The following GRID2 variants were observed in gnomAD, a reference collection of about 807,000 sequenced individuals.
GRID2 encodes the protein glutamate ionotropic receptor delta type subunit 2, also known as glutamate receptor ionotropic, delta-2.
GRID2 carries 33 observed loss-of-function variants against 114.8 expected under a neutral mutation model. The observed-to-expected ratio is 0.29, with a 90% CI of 0.22 to 0.38. The LOEUF is 0.38. Ranked by LOEUF, GRID2 falls within the 10% of genes least tolerant of loss-of-function variation. The probability of loss-of-function intolerance (pLI) is 1.00; values close to 1 mark genes in which losing one functional copy is unlikely to be tolerated. For synonymous variants in GRID2, 505 were observed against 449.9 expected, an observed-to-expected ratio of 1.12 and a Z score of -1.55; for missense variants, 1,184 against 1,257.7, an observed-to-expected ratio of 0.94 and a Z score of 0.89.
chr4:93,805,707 C>G (rs987680140), intron 1 of GRID2, among the ~76,000 whole-genome samples: 3 of 152,160 alleles, frequency 2.0e-5, no homozygotes, highest in Admixed American at 6.5e-5. Context: ...TTCAGGGTTC[C>G]TGCTGTTGAT....
intron 4 of GRID2, among the ~76,000 whole-genome samples, chr4:93,139,437 A>AG (rs1326323813): frequency 3.3e-5 from 5 of 152,190 alleles, no homozygotes; most frequent in Non-Finnish European, 7.3e-5. Context: ...TCAGGAAACC[A>AG]GGGGGGATGA....
chr4:93,179,334 A>G (rs1226082064), intron 4 of GRID2, among the ~76,000 whole-genome samples: 1 of 152,212 alleles, frequency 6.6e-6, no homozygotes, highest in East Asian at 1.9e-4. Context: ...AAAGGTCAGT[A>G]ATAACAATTT....
At chr4:93,624,197 TA>T (rs1259897273) in intron 13 of GRID2, among the ~76,000 whole-genome samples, 3 of 45,440 alleles carry the variant, frequency 6.6e-5, no homozygotes, top group Non-Finnish European at 1.9e-4. Flanking sequence ...ATGATCAATC[TA>T]TTTTTTTAAT....
intron 2 of GRID2, among the ~76,000 whole-genome samples, chr4:93,039,951 T>C (rs1347344630): frequency 6.6e-6 from 1 of 152,194 alleles, no homozygotes; most frequent in Non-Finnish European, 1.5e-5. Context: ...CCTTTGTATC[T>C]TAGGTAAGAC....
intron 2 of GRID2, among the ~76,000 whole-genome samples, chr4:92,952,436 C>T (rs1752104861): frequency 6.6e-6 from 1 of 152,150 alleles, no homozygotes; most frequent in South Asian, 2.1e-4. Context: ...ATGATCAAAA[C>T]ATGAATGGTT....
At chr4:93,430,357 T>C (rs1008028522) in intron 10 of GRID2, among the ~76,000 whole-genome samples, 2 of 152,100 alleles carry the variant, frequency 1.3e-5, no homozygotes, top group African/African-American at 4.8e-5. Context: ...ATTTTTGTAT[T>C]TTTAGTAGAG....
chr4:93,260,645 C>T (rs1750154021), intron 8 of GRID2, among the ~76,000 whole-genome samples: 1 of 151,762 alleles, frequency 6.6e-6, no homozygotes, highest in African/African-American at 2.4e-5. Context: ...TCTGTAACCT[C>T]ACAGTCAGCT....
At chr4:92,790,622 T>C (rs1168976343) in intron 2 of GRID2, among the ~76,000 whole-genome samples, 2 of 151,374 alleles carry the variant, frequency 1.3e-5, no homozygotes, top group Admixed American at 6.6e-5. Flanking sequence ...CTCACTATAT[T>C]GCCCAGGCTG....
At chr4:92,920,338 C>T (rs954109247) in intron 2 of GRID2, among the ~76,000 whole-genome samples, 12 of 152,114 alleles carry the variant, frequency 7.9e-5, no homozygotes, top group African/African-American at 2.7e-4. Context: ...GAGCATTTAT[C>T]CCATTTACAT....
chr4:92,686,510 G>T (rs958740273), intron 2 of GRID2, among the ~76,000 whole-genome samples: 4 of 151,996 alleles, frequency 2.6e-5, no homozygotes, highest in Non-Finnish European at 4.4e-5. Flanking sequence ...TGGTTTCGTT[G>T]TTCTTGTTAA....
intron 1 of GRID2, among the ~76,000 whole-genome samples, chr4:92,540,091 A>C (rs980798368): frequency 4.6e-5 from 7 of 152,204 alleles, no homozygotes; most frequent in Non-Finnish European, 7.3e-5. Context: ...CTGGCTAGCC[A>C]TATGTAGAAA....
chr4:92,810,541 G>A (rs1740619401), intron 2 of GRID2, among the ~76,000 whole-genome samples: 1 of 151,826 alleles, frequency 6.6e-6, no homozygotes, highest in Admixed American at 6.6e-5. Flanking sequence ...TTTTCACATT[G>A]GCACTGTTAC....
intron 11 of GRID2, among the ~76,000 whole-genome samples, chr4:93,458,234 G>A (rs1293144868): frequency 6.6e-6 from 1 of 152,146 alleles, no homozygotes; most frequent in Admixed American, 6.5e-5. Context: ...AGAATCAAAT[G>A]AAATTAAGGC....
chr4:93,505,801 G>T (rs1728572606), intron 12 of GRID2, among the ~76,000 whole-genome samples: 1 of 151,926 alleles, frequency 6.6e-6, no homozygotes, highest in African/African-American at 2.4e-5. Context: ...CACTGTCAGA[G>T]TTTTGAGGTT....
chr4:92,714,274 C>T (rs1440736300), intron 2 of GRID2, among the ~76,000 whole-genome samples: 1 of 152,204 alleles, frequency 6.6e-6, no homozygotes, highest in Admixed American at 6.5e-5. Context: ...CCAGGTCACG[C>T]TGATGCAAGA....
At chr4:92,956,358 A>C (rs78632048) in intron 2 of GRID2, among the ~76,000 whole-genome samples, 1 of 152,060 alleles carries the variant, frequency 6.6e-6, no homozygotes, top group Non-Finnish European at 1.5e-5. Context: ...TAGTTTCACC[A>C]CTCAAAATCC....
chr4:93,704,116 T>A (rs1560925035), intron 14 of GRID2, among the ~76,000 whole-genome samples: 1 of 152,132 alleles, frequency 6.6e-6, no homozygotes, highest in South Asian at 2.1e-4. Flanking sequence ...CCACCAACAG[T>A]GTAAAAGTGT....
At chr4:93,667,035 A>G (rs1724005656) in intron 14 of GRID2, among the ~76,000 whole-genome samples, 1 of 152,136 alleles carries the variant, frequency 6.6e-6, no homozygotes, top group Non-Finnish European at 1.5e-5. Context: ...ACATCTATTG[A>G]AAACATACTA....
chr4:92,666,661 T>G (rs989810142), intron 2 of GRID2, among the ~76,000 whole-genome samples: 1 of 148,042 alleles, frequency 6.8e-6, no homozygotes, highest in Non-Finnish European at 1.5e-5. Flanking sequence ...TTTTTTTTTT[T>G]TTTTTTTTTC....
Sources: gnomAD v4.1 joint callset for allele counts (sites outside exome capture counted in the v4.1 genomes callset) on GRCh38, gnomAD v4.1.1 for gene constraint, MANE v1.5 for transcripts, NCBI Gene and HGNC (gene_info 2026-07-23, HGNC 2026-07-21) for gene names.